RBPJL: variants seen among roughly 807,000 people sequenced by gnomAD.
The protein encoded by RBPJL is recombining binding protein suppressor of hairless-like protein.
A neutral mutation model predicts 57.6 loss-of-function variants in RBPJL; 50 were observed. The observed-to-expected ratio is 0.87, with a 90% confidence interval of 0.69 to 1.10. RBPJL has a LOEUF of 1.10. Ranked by LOEUF, RBPJL falls within the 50% of genes least tolerant of loss-of-function variation. RBPJL has a pLI of 0.00. For synonymous variants in RBPJL, 303 were observed against 294.4 expected, an observed-to-expected ratio of 1.03 and a Z score of -0.30; for missense variants, 684 against 693.7, an observed-to-expected ratio of 0.99 and a Z score of 0.16.
chr20:45,315,579 A>T (rs941333119), intron 9 of RBPJL, among the ~76,000 whole-genome samples: 11 of 151,946 alleles, frequency 7.2e-5, no homozygotes, highest in Non-Finnish European at 1.3e-4. Context: ...TCTCTACTAA[A>T]AATACAAAAA....
intron 2 of RBPJL, 99 bp from the exon 3 acceptor site, chr20:45,309,468 C>A (rs1240353503): frequency 7.4e-7 from 1 of 1,343,964 alleles, no homozygotes; most frequent in Non-Finnish European, 1.0e-6. Flanking sequence ...ACTCTAACCC[C>A]CTGCTCACTT....
intron 9 of RBPJL, 24 bp downstream of exon 9, chr20:45,314,589 C>G (rs1188319354): frequency 6.2e-7 from 1 of 1,604,542 alleles, no homozygotes; most frequent in Non-Finnish European, 8.5e-7. Context: ...AATACCAGCA[C>G]CAAGTGTCCT....
intron 5 of RBPJL, 67 bp from the exon 6 acceptor site, chr20:45,312,154 G>T: frequency 6.2e-7 from 1 of 1,606,640 alleles, no homozygotes. Flanking sequence ...CCGATATCTG[G>T]GAGAGGTTGG....
chr20:45,308,610 T>A (rs1478887288), intron 2 of RBPJL: 2 of 265,004 alleles, frequency 7.5e-6, no homozygotes, highest in Admixed American at 9.3e-5. Context: ...TGGCTGTGGC[T>A]GCTGCCTGTC....
At position 45,314,108 on chromosome 20, in the gene RBPJL, C is replaced by T. The variant is rs201499145; in HGVS notation, c.831C>T (p.Leu277=). ...GYVRYGSLVQ[L]VCTVTGITLP... is the part of the protein sequence containing the mutation. ...TTCGCTATGGCTCCCTGGTGCAGCT[C>T]GTCTGCACGGTCACCGGCATCACAC... is the stretch of plus-strand genomic sequence containing the variant. The change falls in exon 8 of 12, where the codon CTC becomes CTT. Residue 277 remains leucine, a synonymous_variant. Transcript: ENST00000343694. 2.2e-4 allele frequency: 361 copies of T among 1,614,072 alleles called. No individual in the cohort carries two copies. Among genetic ancestry groups the T allele is most frequent in the Non-Finnish European group, 2.8e-4 (335 of 1,179,926 alleles).
chr20:45,317,080 G>T lies in RBPJL; in HGVS notation c.*121G>T. On this transcript the variant is annotated 3_prime_UTR_variant, in exon 12 of 12. Coordinates refer to ENST00000343694, the MANE Select transcript of RBPJL (RefSeq NM_014276.4). ...CTTTGCTGCAGAAGGGCAGCTGAAG[G>T]CTCACCCTAGAAACCGGGCCTGGTG... is the stretch of plus-strand genomic sequence containing the variant. 5.5e-6 allele frequency: 7 copies of T among 1,273,236 alleles called. No individual in the cohort carries two copies. Among genetic ancestry groups the T allele is most frequent in the East Asian group, 2.3e-5 (1 of 42,738 alleles). The allele number at this position is 1,273,236 out of a possible 1,614,324, so 78.9% of individuals were successfully genotyped here.
chr20:45,309,473 T>G, intron 2 of RBPJL, 94 bp from the exon 3 acceptor site: 1 of 1,373,114 alleles, frequency 7.3e-7, no homozygotes, highest in Non-Finnish European at 9.8e-7. Context: ...AACCCCCTGC[T>G]CACTTCATTT....
intron 2 of RBPJL, 62 bp from the exon 3 acceptor site, chr20:45,309,505 C>A: frequency 6.5e-7 from 1 of 1,539,646 alleles, no homozygotes; most frequent in Non-Finnish European, 8.8e-7. Flanking sequence ...AGTGCTTGGA[C>A]CCTGTGCCAC....
rs778970055 is a variant in RBPJL at position 45,312,409 on chromosome 20, G to A, written c.619+14G>A. 8 of 1,608,358 alleles carry A rather than the reference G, an allele frequency of 5.0e-6. No homozygotes were observed. In the African/African-American group the frequency reaches 9.4e-5, roughly 19 times the overall value. On this transcript the variant is annotated intron_variant, in intron 6 of 11. Transcript: ENST00000343694. ...AAAACACCGATCGTGAGCAGGGCGG[G>A]GCCTGACCCCCGGCCCGGGCGGGGA... is the stretch of plus-strand genomic sequence containing the variant.
chr20:45,311,870 C>G lies in RBPJL; in HGVS notation c.360C>G (p.Val120=). ...AHQAGETGPT[V]CGYMGLDSAS... ...AGGCGGGGGAAACGGGGCCCACGGTCTGCGGTTACATGGGACTGGACAGCG... is the reference window on the plus strand; with the variant it reads ...AGGCGGGGGAAACGGGGCCCACGGTGTGCGGTTACATGGGACTGGACAGCG... The change falls in exon 5 of 12, where the codon GTC becomes GTG. Residue 120 remains valine, a synonymous_variant. Transcript: ENST00000343694. The G allele has an allele frequency of 6.4e-7, 1 of 1,551,724 alleles. No individual in the cohort carries two copies. Among genetic ancestry groups the G allele is most frequent in the South Asian group, 1.2e-5 (1 of 84,110 alleles).
At chr20:45,314,297 G>A (rs1291326275) in intron 8 of RBPJL, 116 bp from the exon 9 acceptor site, 3 of 1,326,818 alleles carry the variant, frequency 2.3e-6, no homozygotes, top group African/African-American at 1.4e-5. Context: ...TCAAAGGGCA[G>A]GGGGAATCTG....
chr20:45,315,471 T>C (rs1457996635), intron 9 of RBPJL, among the ~76,000 whole-genome samples: 1 of 151,584 alleles, frequency 6.6e-6, no homozygotes, highest in Non-Finnish European at 1.5e-5. Context: ...GCCGGGCCAA[T>C]GGCTCATGCC....
At chr20:45,312,599 A>G (rs1987242078) in intron 6 of RBPJL, among the ~76,000 whole-genome samples, 1 of 152,170 alleles carries the variant, frequency 6.6e-6, no homozygotes, top group South Asian at 2.1e-4. Flanking sequence ...GATGAAAAGC[A>G]GAGAGGAAAG....
At chr20:45,313,719 AAC>A (rs1242231304) in intron 7 of RBPJL, 114 bp downstream of exon 7, 48 of 1,167,640 alleles carry the variant, frequency 4.1e-5, no homozygotes, top group Non-Finnish European at 5.5e-5. Flanking sequence ...AAGGCTCAGA[AAC>A]ACAAAAAGAC....
Position 45,312,381 on chromosome 20 carries a change from T to C in RBPJL, c.605T>C (p.Leu202Pro), listed in dbSNP as rs1453213104. Residue 202 changes from leucine to proline, a missense_variant, in exon 6 of 12, where the codon CTG (leucine) becomes CCG (proline). Leu to Pro is a moderately conservative substitution (Grantham distance 98). Transcript: ENST00000343694. ...ISKPSQKKQS[L>P]KNTDLCISSG... Reference sequence around the variant, plus strand: ...AAGCCCTCGCAGAAGAAGCAGTCGCTGAAAAACACCGATCGTGAGCAGGGC... The same window carrying C: ...AAGCCCTCGCAGAAGAAGCAGTCGCCGAAAAACACCGATCGTGAGCAGGGC... The C allele has an allele frequency of 6.2e-6, 10 of 1,613,526 alleles. No homozygotes were observed. In the East Asian group the frequency reaches 8.9e-5, roughly 14 times the overall value.
chr20:45,308,220 G>A lies in RBPJL; in HGVS notation c.100G>A (p.Asp34Asn), dbSNP rs747490348. The change falls in exon 2 of 12, where the codon GAC (aspartate) becomes AAC (asparagine). Residue 34 changes from aspartate (D) to asparagine (N), a missense_variant. Asp to Asn is a conservative substitution (Grantham distance 23). Transcript: ENST00000343694. ...RSEMQLQSEA[D>N]RRSLPGTWTR... Reference sequence around the variant, plus strand: ...AGAGATGCAGCTGCAGAGCGAAGCCGACAGGCGGAGCCTCCCGGGCACTTG... The same window carrying A: ...AGAGATGCAGCTGCAGAGCGAAGCCAACAGGCGGAGCCTCCCGGGCACTTG... 87 of 1,613,834 alleles carry A rather than the reference G, an allele frequency of 5.4e-5. No homozygotes were observed. The highest frequency in any genetic ancestry group is 7.7e-5 in the South Asian group (7 of 91,078).
chr20:45,309,603 C>A lies in RBPJL; in HGVS notation c.168C>A (p.Gly56=), dbSNP rs769806851. 6.2e-7 allele frequency: 1 copy of A among 1,613,108 alleles called. No individual in the cohort carries two copies. Among genetic ancestry groups the A allele is most frequent in the Non-Finnish European group, 8.5e-7 (1 of 1,179,618 alleles). ...AGCACACCACCATTCTGAGGGGAGGCGTGCGCAGGTGCCTGCAGCAACAGT... is the reference window on the plus strand; with the variant it reads ...AGCACACCACCATTCTGAGGGGAGGAGTGCGCAGGTGCCTGCAGCAACAGT... ...SPEHTTILRG[G]VRRCLQQQCE... Residue 56 remains glycine (G), a synonymous_variant, in exon 3 of 12, where the codon GGC becomes GGA. Coordinates refer to ENST00000343694, the MANE Select transcript of RBPJL (RefSeq NM_014276.4).
At position 45,316,889 on chromosome 20, in the gene RBPJL, C is replaced by A. The variant is rs1459518598; in HGVS notation, c.1484C>A (p.Ala495Asp). ...HPGVPEPATD[A>D]DALLESIHQE... is the part of the protein sequence containing the mutation. Reference sequence around the variant, plus strand: ...GGCGTCCCCGAGCCCGCCACCGACGCCGACGCGCTCCTGGAGAGCATCCAT... The same window carrying A: ...GGCGTCCCCGAGCCCGCCACCGACGACGACGCGCTCCTGGAGAGCATCCAT... The change falls in exon 12 of 12, where the codon GCC becomes GAC. Residue 495 changes from alanine to aspartate, a missense_variant. Transcript: ENST00000343694. 4 of 1,613,620 alleles carry A rather than the reference C, an allele frequency of 2.5e-6. No individual in the cohort carries two copies.
chr20:45,306,931 C>T lies in RBPJL; in HGVS notation c.9C>T (p.Pro3=), dbSNP rs776042703. 113 of 1,256,478 alleles carry T rather than the reference C, an allele frequency of 9.0e-5. No individual in the cohort carries two copies. Among genetic ancestry groups the T allele is most frequent in the Non-Finnish European group, 1.0e-4 (102 of 992,820 alleles). The allele number at this position is 1,256,478 out of a possible 1,614,324, so 77.8% of individuals were successfully genotyped here. The change falls in exon 1 of 12, where the codon CCC becomes CCT. Residue 3 remains proline, a synonymous_variant. Transcript: ENST00000343694. ...GGCCCCGTGGAGCCACCATGGACCCCGCAGGGGCAGCAGGTGAGCGCTTAC... is the reference window on the plus strand; with the variant it reads ...GGCCCCGTGGAGCCACCATGGACCCTGCAGGGGCAGCAGGTGAGCGCTTAC... MD[P]AGAADPSVPP...
Sources: gnomAD v4.1 joint callset for allele counts (sites outside exome capture counted in the v4.1 genomes callset) on GRCh38, gnomAD v4.1.1 for gene constraint, MANE v1.5 for transcripts, NCBI Gene and HGNC (gene_info 2026-07-23, HGNC 2026-07-21) for gene names.